TRIO: variants seen among roughly 807,000 people sequenced by gnomAD.
TRIO encodes triple functional domain protein.
In TRIO, 58 loss-of-function variants were observed where a neutral mutation model predicts 351.9. The ratio of observed to expected loss-of-function variants is 0.16; its 90% CI spans 0.13 to 0.21. The LOEUF (loss-of-function observed/expected upper bound fraction) is 0.21. TRIO is among the 10% of genes least tolerant of loss of function. TRIO has a pLI of 1.00. For missense variants in TRIO, 3,201 were observed against 4,027.8 expected (o/e 0.79, Z 5.56); for synonymous variants, 1,758 against 1,595.7 (o/e 1.10, Z -2.42).
intron 1 of TRIO, among the ~76,000 whole-genome samples, chr5:14,191,739 G>A (rs541135236): frequency 6.6e-6 from 1 of 152,322 alleles, no homozygotes; most frequent in Non-Finnish European, 1.5e-5. Context: ...AGAACTTAGA[G>A]AAGTAAGCCA....
intron 19 of TRIO, 56 bp from the exon 20 acceptor site, chr5:14,377,956 C>T (rs1381051535): frequency 2.5e-5 from 33 of 1,312,298 alleles, no homozygotes; most frequent in South Asian, 2.1e-4. Context: ...TGGAATTTCG[C>T]GGTTGTTTTA....
chr5:14,159,955 C>T (rs1008339942), intron 1 of TRIO, among the ~76,000 whole-genome samples: 3 of 152,188 alleles, frequency 2.0e-5, no homozygotes, highest in East Asian at 3.8e-4. Flanking sequence ...AAAACAGAAA[C>T]GGCATTAATT....
chr5:14,396,695 C>T (rs1422803620), intron 28 of TRIO, among the ~76,000 whole-genome samples: 4 of 151,478 alleles, frequency 2.6e-5, no homozygotes, highest in Non-Finnish European at 5.9e-5. Flanking sequence ...GTCTCGAACT[C>T]CTGACCTCAA....
intron 1 of TRIO, among the ~76,000 whole-genome samples, chr5:14,248,065 CAAAAA>C (rs71599612): frequency 1.5e-5 from 2 of 132,418 alleles, no homozygotes; most frequent in Non-Finnish European, 1.6e-5. Context: ...GACTCCGTCT[CAAAAA>C]AAAAAAAAAA....
At chr5:14,322,628 ACCTAC>A (rs1324224483) in intron 9 of TRIO, among the ~76,000 whole-genome samples, 1 of 152,040 alleles carries the variant, frequency 6.6e-6, no homozygotes, top group Non-Finnish European at 1.5e-5. Flanking sequence ...GTTTAGCATC[ACCTAC>A]ACTAGACCTA....
chr5:14,174,374 C>A (rs545062266), intron 1 of TRIO, among the ~76,000 whole-genome samples: 3 of 152,334 alleles, frequency 2.0e-5, no homozygotes, highest in African/African-American at 7.2e-5. Context: ...TGGGAACAGG[C>A]AAGCCCCAGC....
At chr5:14,419,593 A>C (rs1434411978) in intron 33 of TRIO, among the ~76,000 whole-genome samples, 185 bp from the exon 34 acceptor site, 1 of 152,182 alleles carries the variant, frequency 6.6e-6, no homozygotes, top group East Asian at 1.9e-4. Context: ...AGGTTCAAGA[A>C]ATTTGGAAGC....
At chr5:14,225,999 C>G (rs762666601) in intron 1 of TRIO, among the ~76,000 whole-genome samples, 1 of 152,174 alleles carries the variant, frequency 6.6e-6, no homozygotes, top group South Asian at 2.1e-4. Flanking sequence ...AGGGCTGATG[C>G]TTCCTGCTCC....
intron 53 of TRIO, among the ~76,000 whole-genome samples, chr5:14,501,076 AAAG>A (rs1009619510): frequency 6.6e-6 from 1 of 151,520 alleles, no homozygotes; most frequent in African/African-American, 2.4e-5. Context: ...TATTTAAAAA[AAAG>A]AAAAAAAAAA....
Position 14,304,740 on chromosome 5 carries a change from C to T in TRIO, c.1500+148C>T, listed in dbSNP as rs1738211067. On this transcript the variant is annotated intron_variant, in intron 8 of 56. Coordinates refer to ENST00000344204, the MANE Select transcript of TRIO (RefSeq NM_007118.4). ...GCAGTTTAATTGTTTAGCATTTGAA[C>T]CCCTGTGTGTGTGGGGAGTGGGGTG... is the stretch of plus-strand genomic sequence containing the variant. 4.2e-6 allele frequency: 4 copies of T among 957,356 alleles called. 1 individual carries two copies. In the South Asian group the frequency reaches 5.0e-5, roughly 12 times the overall value. 59.3% of individuals were successfully genotyped at this position (957,356 alleles called of 1,614,324 possible).
chr5:14,445,797 A>G (rs1038386958), intron 34 of TRIO, among the ~76,000 whole-genome samples: 4 of 152,244 alleles, frequency 2.6e-5, no homozygotes, highest in Non-Finnish European at 4.4e-5. Context: ...GCAGGCGTGC[A>G]GTTGAGTAAG....
In TRIO at chr5:14,481,537, A is replaced by G. The variant is rs758457175; in HGVS notation, c.6388-4A>G. 6.2e-7 allele frequency: 1 copy of G among 1,614,020 alleles called. No homozygotes were observed. The highest frequency in any genetic ancestry group is 1.3e-5 in the African/African-American group (1 of 74,920). On this transcript the variant is annotated splice_region_variant and splice_polypyrimidine_tract_variant and intron_variant, in intron 44 of 56. Coordinates refer to ENST00000344204, the MANE Select transcript of TRIO (RefSeq NM_007118.4). ...CTTTCACTCTTCTCTCTCCCCTCCC[A>G]CAGAGAGCTGTGGAAGTCATGTGCA...
chr5:14,267,922 T>C (rs1795778129), intron 1 of TRIO, among the ~76,000 whole-genome samples: 1 of 152,284 alleles, frequency 6.6e-6, no homozygotes, highest in African/African-American at 2.4e-5. Context: ...TAAATAAAAG[T>C]AACTCTTTTT....
chr5:14,496,815 T>C lies in TRIO; in HGVS notation c.7881-64T>C, dbSNP rs1240429542. The stretch of plus-strand genomic sequence containing the variant: ...TGAATATTCAGCTTTTCTTTAACGC[T>C]TCCAGGCAGCACTTGGTGAATGTTG... On this transcript the variant is annotated intron_variant, in intron 49 of 56. Transcript: ENST00000344204. 4.4e-6 allele frequency: 7 copies of C among 1,589,468 alleles called. No homozygotes were observed. In the South Asian group the frequency reaches 5.7e-5, roughly 13 times the overall value.
intron 1 of TRIO, among the ~76,000 whole-genome samples, chr5:14,178,203 T>C (rs144404053): frequency 2.0e-5 from 3 of 152,222 alleles, no homozygotes; most frequent in Non-Finnish European, 4.4e-5. Context: ...AGAAACAGAG[T>C]TGTACGTGTG....
At chr5:14,488,485 C>T (rs929881170) in intron 48 of TRIO, 53 of 604,046 alleles carry the variant, frequency 8.8e-5, no homozygotes, top group Non-Finnish European at 1.3e-4. Flanking sequence ...CGATCATTAA[C>T]CTTCTCAACG....
chr5:14,244,944 AAG>A (rs766082503), intron 1 of TRIO, among the ~76,000 whole-genome samples: 41 of 152,302 alleles, frequency 2.7e-4, no homozygotes, highest in African/African-American at 8.2e-4. Flanking sequence ...GCCCCAGGAA[AAG>A]AGAGTCTGAG....
chr5:14,463,047 A>T (rs1753951814), intron 36 of TRIO, 122 bp downstream of exon 36: 11 of 1,256,570 alleles, frequency 8.8e-6, no homozygotes, highest in Non-Finnish European at 1.2e-5. Flanking sequence ...GAAAAGGGCA[A>T]TGCAGTGCTC....
At chr5:14,371,849 C>T (rs193081792) in intron 18 of TRIO, among the ~76,000 whole-genome samples, 206 of 151,964 alleles carry the variant, frequency 1.4e-3, no homozygotes, top group African/African-American at 4.7e-3. Context: ...CTTATGTTGC[C>T]CAGCCTGGTC....
Sources: gnomAD v4.1 joint callset for allele counts (sites outside exome capture counted in the v4.1 genomes callset) on GRCh38, gnomAD v4.1.1 for gene constraint, MANE v1.5 for transcripts, NCBI Gene and HGNC (gene_info 2026-07-23, HGNC 2026-07-21) for gene names.